Variants in DCHS2 observed in about 807,000 individuals in gnomAD.
DCHS2 encodes the protein dachsous cadherin-related 2.
In DCHS2, 142 loss-of-function variants were observed where a neutral mutation model predicts 182.4. The observed-to-expected ratio is 0.78, with a 90% confidence interval of 0.68 to 0.89. The LOEUF is 0.89. Among genes scored for constraint, DCHS2 ranks in the 40% least tolerant of loss-of-function variants. The pLI, the probability that DCHS2 is intolerant of heterozygous loss-of-function variation, is 0.00. For missense variants in DCHS2, 4,319 were observed against 4,198.6 expected (o/e 1.03, Z -0.79); for synonymous variants, 1,740 against 1,663.3 (o/e 1.05, Z -1.12).
rs371681218 is a variant in DCHS2, at chr4:154,391,188, A to T, written c.2053-13744T>A. ...CCTCTGAGATTTCACAATGGAATTT[A>T]TTTTCACATACACCTCATATACACA... is the stretch of plus-strand genomic sequence containing the variant. On this transcript the variant is annotated intron_variant, in intron 1 of 19. Coordinates refer to ENST00000357232, the MANE Select transcript of DCHS2 (RefSeq NM_001358235.2). 48 of 1,612,868 alleles carry T rather than the reference A, an allele frequency of 3.0e-5. No individual in the cohort carries two copies. In the African/African-American group the frequency reaches 6.0e-4, roughly 20 times the overall value.
intron 1 of DCHS2, among the ~76,000 whole-genome samples, chr4:154,380,005 A>G (rs900810105): frequency 1.3e-5 from 2 of 152,106 alleles, no homozygotes; most frequent in Non-Finnish European, 2.9e-5. Flanking sequence ...GGTTAATTTA[A>G]TGGGTTAATT....
chr4:154,469,644 G>C (rs1383242658), intron 1 of DCHS2, among the ~76,000 whole-genome samples: 1 of 152,144 alleles, frequency 6.6e-6, no homozygotes, highest in Non-Finnish European at 1.5e-5. Context: ...GCCCTCACCT[G>C]TTCTCCCCTT....
Position 154,231,983 on chromosome 4 carries a change from A to G in DCHS2, c.*2553T>C, listed in dbSNP as rs577195945. Reference sequence around the variant, plus strand: ...TATCCATTTGGTACTGATTTACACCAGTATTTTTAAGGCTGCCAACAAGAA... The same window carrying G: ...TATCCATTTGGTACTGATTTACACCGGTATTTTTAAGGCTGCCAACAAGAA... On this transcript the variant is annotated 3_prime_UTR_variant, in exon 20 of 20. Transcript: ENST00000357232. The G allele has an allele frequency of 6.6e-6, 1 of 152,252 alleles. No homozygotes were observed. Among genetic ancestry groups the G allele is most frequent in the East Asian group, 1.9e-4 (1 of 5,182 alleles). The allele number at this position is 152,252 out of a possible 1,614,324, so 9.4% of individuals were successfully genotyped here.
chr4:154,353,960 T>G (rs956411872), intron 3 of DCHS2, among the ~76,000 whole-genome samples: 2 of 152,170 alleles, frequency 1.3e-5, no homozygotes, highest in African/African-American at 4.8e-5. Context: ...AGGATCTCAC[T>G]CTGTCACCCC....
rs564618627 is a variant in DCHS2 at position 154,340,072 on chromosome 4, T to C, written c.2477-4968A>G. 2.0e-5 allele frequency among the ~76,000 whole-genome samples: 3 copies of C among 152,168 alleles called. No individual in the cohort carries two copies. The South Asian group carries it at 6.2e-4, about 32-fold the overall frequency. On this transcript the variant is annotated intron_variant, in intron 3 of 19. Transcript: ENST00000357232. ...TAAAGATATTCAGAAAAAGAAGATA[T>C]GTTTGGTTATTATTTAACTTTTTTA...
intron 1 of DCHS2, among the ~76,000 whole-genome samples, chr4:154,468,072 T>C (rs991493298): frequency 3.3e-5 from 5 of 152,168 alleles, no homozygotes; most frequent in Admixed American, 6.5e-5. Flanking sequence ...GCTTGCTATT[T>C]GGTGTCCACA....
At chr4:154,379,138 C>A (rs977625464) in intron 1 of DCHS2, among the ~76,000 whole-genome samples, 5 of 151,854 alleles carry the variant, frequency 3.3e-5, no homozygotes, top group South Asian at 2.1e-4. Flanking sequence ...TAATGGACAT[C>A]ACAGAAAAAG....
chr4:154,324,421 T>A (rs1359809731), intron 7 of DCHS2, among the ~76,000 whole-genome samples: 1 of 152,104 alleles, frequency 6.6e-6, no homozygotes, highest in East Asian at 1.9e-4. Flanking sequence ...TGGAAAATGG[T>A]TTTGGGAGAA....
At chr4:154,348,722 A>C (rs1311491168) in intron 3 of DCHS2, among the ~76,000 whole-genome samples, 1 of 151,888 alleles carries the variant, frequency 6.6e-6, no homozygotes, top group African/African-American at 2.4e-5. Context: ...CAAACACCAG[A>C]AGCTAAGGGA....
intron 1 of DCHS2, among the ~76,000 whole-genome samples, chr4:154,449,249 G>C (rs1167334415): frequency 6.6e-6 from 1 of 151,070 alleles, no homozygotes; most frequent in Non-Finnish European, 1.5e-5. Context: ...TGATACAACT[G>C]TTATTTAAAT....
chr4:154,289,912 G>T (rs1413447716), intron 13 of DCHS2, among the ~76,000 whole-genome samples: 1 of 151,694 alleles, frequency 6.6e-6, no homozygotes, highest in Admixed American at 6.6e-5. Context: ...CAACAAACTG[G>T]GTATAGAAGA....
Position 154,255,661 on chromosome 4 carries a change from T to C in DCHS2, c.6799A>G (p.Thr2267Ala). The change falls in exon 16 of 20, where the codon ACC (threonine) becomes GCC (alanine). Residue 2267 changes from threonine (T) to alanine (A), a missense_variant. Thr to Ala is a moderately conservative substitution (Grantham distance 58). Coordinates refer to ENST00000357232, the MANE Select transcript of DCHS2 (RefSeq NM_001358235.2). ...YNAHVIQVFA[T>A]DLDSGLNGLI... ...CCGTTCAAACCACTGTCCAAGTCGG[T>C]AGCAAAAACCTGTGAGGAACCGACT... 6.2e-7 allele frequency: 1 copy of C among 1,611,744 alleles called. No individual in the cohort carries two copies. Among genetic ancestry groups the C allele is most frequent in the Non-Finnish European group, 8.5e-7 (1 of 1,179,012 alleles).
intron 1 of DCHS2, among the ~76,000 whole-genome samples, chr4:154,383,825 G>GA (rs912976851): frequency 2.7e-5 from 4 of 148,322 alleles, no homozygotes; most frequent in African/African-American, 9.9e-5. Flanking sequence ...CAAAATTTGT[G>GA]AAAAAAAATA....
Position 154,236,822 on chromosome 4 carries a change from A to G in DCHS2, c.7830T>C (p.Pro2610=), listed in dbSNP as rs1159212007. ...VETKFFHSEY[P]YKQVGYLVLL... is the part of the protein sequence containing the mutation. The stretch of plus-strand genomic sequence containing the variant: ...ACACAAGATAACCGACTTGCTTATA[A>G]GGATATTCTGAATGAAAGAACTTAG... Residue 2610 remains proline, a synonymous_variant, in exon 20 of 20, where the codon CCT becomes CCC. Transcript: ENST00000357232. The G allele has an allele frequency of 6.2e-7, 1 of 1,614,102 alleles. No homozygotes were observed. Among genetic ancestry groups the G allele is most frequent in the Admixed American group, 1.7e-5 (1 of 60,016 alleles).
At chr4:154,449,636 G>T (rs1734453158) in intron 1 of DCHS2, among the ~76,000 whole-genome samples, 1 of 152,124 alleles carries the variant, frequency 6.6e-6, no homozygotes, top group Admixed American at 6.5e-5. Context: ...GCCTCCCAAA[G>T]TGCTGGGATT....
intron 13 of DCHS2, among the ~76,000 whole-genome samples, chr4:154,280,843 TTA>T (rs1175249250): frequency 0.013 from 1,930 of 151,742 alleles, 45 homozygotes; most frequent in African/African-American, 0.044. Flanking sequence ...TTTTTTTTTT[TTA>T]AAGACAGAGT....
chr4:154,478,525 C>T (rs972262262), intron 1 of DCHS2, among the ~76,000 whole-genome samples: 1 of 152,116 alleles, frequency 6.6e-6, no homozygotes, highest in Non-Finnish European at 1.5e-5. Context: ...GGTTGGGTAG[C>T]AGTCAAGGCA....
Position 154,333,124 on chromosome 4 carries a change from G to C in DCHS2, c.3084C>G (p.Ile1028Met), listed in dbSNP as rs764878438. Residue 1028 changes from isoleucine to methionine, a missense_variant, in exon 5 of 20, where the codon ATC (isoleucine) becomes ATG (methionine). Transcript: ENST00000357232. ...GGAACAGCACCCCCAGGGCTCTGTC[G>C]ATGGCAAAGACGCCTGGCTGCGGGC... ...IASPQPGVFA[I>M]DRALGVLFLN... 32 of 1,614,084 alleles carry C rather than the reference G, an allele frequency of 2.0e-5. No homozygotes were observed. Among genetic ancestry groups the C allele is most frequent in the Non-Finnish European group, 2.2e-5 (26 of 1,180,022 alleles).
intron 1 of DCHS2, among the ~76,000 whole-genome samples, chr4:154,393,147 C>A (rs1234960432): frequency 6.6e-6 from 1 of 152,152 alleles, no homozygotes; most frequent in Non-Finnish European, 1.5e-5. Flanking sequence ...ATGTTACAAG[C>A]ATACAGCTAT....
Sources: allele counts gnomAD v4.1 joint callset (sites outside exome capture counted in the v4.1 genomes callset), GRCh38; gene constraint gnomAD v4.1.1; transcripts MANE v1.5; gene names NCBI Gene and HGNC (gene_info 2026-07-23, HGNC 2026-07-21).